ZNF721: variants seen among roughly 807,000 people sequenced by gnomAD.
ZNF721 encodes the protein zinc finger protein 721.
Under a neutral mutation model 2.4 loss-of-function variants are expected in ZNF721, and 2 were observed. The ratio of observed to expected loss-of-function variants is 0.82; its 90% CI spans 0.34 to 2.58. The LOEUF (loss-of-function observed/expected upper bound fraction) is 2.58. Ranked by LOEUF, ZNF721 falls within the 30% of genes most tolerant of loss-of-function variation. The pLI, the probability that ZNF721 is intolerant of heterozygous loss-of-function variation, is 0.11. For synonymous variants in ZNF721, 398 were observed against 381.8 expected, an observed-to-expected ratio of 1.04 and a Z score of -0.50; for missense variants, 1,187 against 1,085.5, an observed-to-expected ratio of 1.09 and a Z score of -1.31.
At chr4:457,568 T>C (rs1236568362) in intron 2 of ZNF721, among the ~76,000 whole-genome samples, 2 of 152,186 alleles carry the variant, frequency 1.3e-5, no homozygotes, top group African/African-American at 2.4e-5. Flanking sequence ...CCTTTAGAAG[T>C]TGGTTCTATC....
rs782729638 is a variant in ZNF721, at chr4:444,416, G to A, written c.51C>T (p.Phe17=). ...CCTGCACTGGCAAAAAGTCTTGGGTGAAATGAGAACACATAGCTGAAAGAA... is the reference window on the plus strand; with the variant it reads ...CCTGCACTGGCAAAAAGTCTTGGGTAAAATGAGAACACATAGCTGAAAGAA... ...NLVSLAMCSH[F]TQDFLPVQGI... is the part of the protein sequence containing the mutation. Residue 17 remains phenylalanine, a synonymous_variant, in exon 3 of 3, where the codon TTC becomes TTT. Transcript: ENST00000511833. 4.4e-6 allele frequency: 7 copies of A among 1,586,458 alleles called. No homozygotes were observed. The highest frequency in any genetic ancestry group is 6.0e-6 in the Non-Finnish European group (7 of 1,168,184).
chr4:466,013 T>C (rs1443977708), intron 2 of ZNF721, among the ~76,000 whole-genome samples: 9 of 150,868 alleles, frequency 6.0e-5, no homozygotes, highest in African/African-American at 1.7e-4. Flanking sequence ...TTTTTTTTTT[T>C]TGAGGTGGAG....
At chr4:450,742 C>T (rs890521416) in intron 2 of ZNF721, among the ~76,000 whole-genome samples, 4 of 151,520 alleles carry the variant, frequency 2.6e-5, no homozygotes, top group African/African-American at 9.7e-5. Context: ...TCGAGACCGT[C>T]CTGGCTAACA....
Position 444,440 on chromosome 4 carries a change from A to C in ZNF721, c.35-8T>G. ...TGAAATGAGAACACATAGCTGAAAG[A>C]AACAAAAATAACAAATTATCCCAGT... On this transcript the variant is annotated splice_polypyrimidine_tract_variant and splice_region_variant and intron_variant, in intron 2 of 2. Transcript: ENST00000511833. 6.4e-7 allele frequency: 1 copy of C among 1,552,844 alleles called. No individual in the cohort carries two copies. Among genetic ancestry groups the C allele is most frequent in the Non-Finnish European group, 8.7e-7 (1 of 1,154,056 alleles).
rs1417105068 is a variant in ZNF721 at position 441,442 on chromosome 4, TTTTTAA to T, written c.*247_*252del. 1.1e-5 allele frequency: 4 copies of T among 353,190 alleles called. No homozygotes were observed. Among genetic ancestry groups the T allele is most frequent in the South Asian group, 6.3e-5 (1 of 16,000 alleles). 21.9% of individuals were successfully genotyped at this position (353,190 alleles called of 1,614,324 possible). ...ACTAGAATTGGAAGTCTTTGCCACA[TTTTTAA>T]TTTTAATTTGGCTTCTCATCAATAT... On this transcript the variant is annotated 3_prime_UTR_variant, in exon 3 of 3. Transcript: ENST00000511833.
chr4:486,838 A>G (rs555491143), intron 1 of ZNF721, among the ~76,000 whole-genome samples: 1 of 152,334 alleles, frequency 6.6e-6, no homozygotes, highest in Middle Eastern at 3.4e-3. Context: ...CGCTTTTCCC[A>G]AGAGACTTCA....
At chr4:452,531 A>T (rs113795312) in intron 2 of ZNF721, among the ~76,000 whole-genome samples, 1 of 152,194 alleles carries the variant, frequency 6.6e-6, no homozygotes, top group South Asian at 2.1e-4. Context: ...GGACAGAAAG[A>T]GAGCGTGGCT....
intron 2 of ZNF721, among the ~76,000 whole-genome samples, chr4:459,161 GAA>G (rs1222316603): frequency 6.6e-6 from 1 of 152,014 alleles, no homozygotes; most frequent in Non-Finnish European, 1.5e-5. Flanking sequence ...ATGGACATAT[GAA>G]AAAGAAAAAC....
intron 2 of ZNF721, among the ~76,000 whole-genome samples, chr4:471,786 T>C (rs1325062729): frequency 6.6e-6 from 1 of 152,178 alleles, no homozygotes; most frequent in East Asian, 1.9e-4. Flanking sequence ...GTAATAGATA[T>C]GTTGATCAAC....
intron 2 of ZNF721, among the ~76,000 whole-genome samples, chr4:448,786 G>A (rs537469690): frequency 1.4e-4 from 22 of 152,144 alleles, no homozygotes; most frequent in South Asian, 6.2e-4. Flanking sequence ...ACTCACACAC[G>A]GTCACATGAA....
At position 440,369 on chromosome 4, in the gene ZNF721, A is replaced by G. The variant is rs1435287377; in HGVS notation, c.*1326T>C. 6.6e-6 allele frequency: 1 copy of G among 152,206 alleles called. No homozygotes were observed. Among genetic ancestry groups the G allele is most frequent in the Non-Finnish European group, 1.5e-5 (1 of 68,040 alleles). The allele number at this position is 152,206 out of a possible 1,614,324, so 9.4% of individuals were successfully genotyped here. ...GAATGTTGAAATAGTATAATTTTAG[A>G]GTTGAATTATTTGCTTTTGAAAAAA... On this transcript the variant is annotated 3_prime_UTR_variant, in exon 3 of 3. Transcript: ENST00000511833.
At chr4:485,148 C>T (rs1360282420) in intron 1 of ZNF721, among the ~76,000 whole-genome samples, 2 of 152,126 alleles carry the variant, frequency 1.3e-5, no homozygotes, top group Admixed American at 1.3e-4. Flanking sequence ...GCTGGGATTA[C>T]AGGTGTGAGC....
At chr4:446,938 A>G (rs1350057675) in intron 2 of ZNF721, among the ~76,000 whole-genome samples, 2 of 152,172 alleles carry the variant, frequency 1.3e-5, no homozygotes, top group East Asian at 1.9e-4. Context: ...CGCCTGCCTC[A>G]GCCTCCCAAA....
chr4:481,575 CTTT>C (rs77613258), intron 1 of ZNF721, among the ~76,000 whole-genome samples: 7 of 142,832 alleles, frequency 4.9e-5, no homozygotes, highest in Admixed American at 7.0e-5. Context: ...TCTTTTCTTT[CTTT>C]TTTTTTTTTT....
At chr4:465,246 A>G (rs1044542062) in intron 2 of ZNF721, among the ~76,000 whole-genome samples, 3 of 151,978 alleles carry the variant, frequency 2.0e-5, no homozygotes, top group African/African-American at 7.3e-5. Context: ...ACTTAGCTGG[A>G]CCTGGTGGCG....
chr4:443,568 G>A lies in ZNF721; in HGVS notation c.899C>T (p.Thr300Ile). ...TTCACATGTGTAGGGTTTCTCTCCA[G>A]TATGAATTCTCCTATGTTTAGTAAG... Reference protein sequence around the residue: ...TTLTKHRRIHTGEKPYTCEVC... With the variant: ...TTLTKHRRIHIGEKPYTCEVC... Residue 300 changes from threonine (T) to isoleucine (I), a missense_variant, in exon 3 of 3, where the codon ACT (threonine) becomes ATT (isoleucine). Transcript: ENST00000511833. 6.2e-7 allele frequency: 1 copy of A among 1,614,028 alleles called. No homozygotes were observed. The highest frequency in any genetic ancestry group is 8.5e-7 in the Non-Finnish European group (1 of 1,179,948).
In ZNF721 at chr4:444,197, A is replaced by C. The variant is rs782450993; in HGVS notation, c.270T>G (p.Phe90Leu). The C allele has an allele frequency of 1.1e-5, 18 of 1,613,692 alleles. No homozygotes were observed. The highest frequency in any genetic ancestry group is 1.5e-5 in the Non-Finnish European group (18 of 1,179,796). The change falls in exon 3 of 3, where the codon TTT becomes TTG. Residue 90 changes from phenylalanine to leucine, a missense_variant. Phe to Leu is a conservative substitution (Grantham distance 22). Coordinates refer to ENST00000511833, the MANE Select transcript of ZNF721 (RefSeq NM_133474.4). ...CTTTGTTTGAATTTGCAAATTTACT[A>C]AAAACTTTGACACGTGCATTACATT... ...IFQCNARVKV[F>L]SKFANSNKDK...
intron 2 of ZNF721, among the ~76,000 whole-genome samples, chr4:447,779 T>C (rs1356295574): frequency 2.0e-5 from 3 of 146,624 alleles, no homozygotes; most frequent in East Asian, 3.9e-4. Flanking sequence ...AAATATACTT[T>C]AACTAAAAGT....
chr4:442,593 T>G lies in ZNF721; in HGVS notation c.1874A>C (p.Tyr625Ser), dbSNP rs868982760. 1 of 1,612,674 alleles carries G rather than the reference T, an allele frequency of 6.2e-7. No individual in the cohort carries two copies. Among genetic ancestry groups the G allele is most frequent in the Admixed American group, 1.7e-5 (1 of 59,864 alleles). The stretch of plus-strand genomic sequence containing the variant: ...TTTCTTCTGTTGATTCAGGTCCGTG[T>G]ACCATACAAAGTCTTTGCCACACTC... ...CEECGKDFVW[Y>S]TDLNQQKKIY... Residue 625 changes from tyrosine to serine, a missense_variant, in exon 3 of 3, where the codon TAC becomes TCC. By Grantham distance (144) the Tyr-to-Ser change is moderately radical (BLOSUM62 -2). Transcript: ENST00000511833.
Sources: allele counts gnomAD v4.1 joint callset (sites outside exome capture counted in the v4.1 genomes callset), GRCh38; gene constraint gnomAD v4.1.1; transcripts MANE v1.5; gene names NCBI Gene and HGNC (gene_info 2026-07-23, HGNC 2026-07-21).